The following RBM47 variants were observed in gnomAD, a reference collection of about 807,000 sequenced individuals.
The protein encoded by RBM47 is RNA binding motif protein 47.
Under a neutral mutation model 47.1 loss-of-function variants are expected in RBM47, and 21 were observed. The observed-to-expected ratio is 0.45, with a 90% CI of 0.32 to 0.64. RBM47 has a LOEUF of 0.64. Among genes scored for constraint, RBM47 ranks in the 30% least tolerant of loss-of-function variants. RBM47 has a pLI of 0.05. For missense variants in RBM47, 708 were observed against 870.9 expected (o/e 0.81, Z 2.35); for synonymous variants, 375 against 361.7 (o/e 1.04, Z -0.42).
chr4:40,423,661 TTTC>T lies in RBM47; in HGVS notation c.*2240_*2242del, dbSNP rs1400568468. ...TTTATTCTTTCTTTCTTTTTCTTTC[TTTC>T]TTTCTTTCTTTCTTTCTTTCTTTCT... On this transcript the variant is annotated 3_prime_UTR_variant, in exon 7 of 7. Transcript: ENST00000295971. The T allele has an allele frequency of 1.1e-3, 32 of 28,112 alleles. No homozygotes were observed. The highest frequency in any genetic ancestry group is 4.7e-3 in the African/African-American group (32 of 6,866). 1.7% of individuals were successfully genotyped at this position (28,112 alleles called of 1,614,324 possible). A position where few individuals can be genotyped will look rare whatever the true frequency, so the allele number is the denominator to read the frequency against.
chr4:40,488,133 C>A (rs1356029080), intron 2 of RBM47, among the ~76,000 whole-genome samples: 4 of 151,894 alleles, frequency 2.6e-5, no homozygotes, highest in Non-Finnish European at 5.9e-5. Context: ...ACCAGCCTGG[C>A]CAACATGGTG....
intron 1 of RBM47, among the ~76,000 whole-genome samples, chr4:40,616,137 G>A (rs1736695028): frequency 6.6e-6 from 1 of 152,124 alleles, no homozygotes; most frequent in South Asian, 2.1e-4. Context: ...CGGATCACGA[G>A]GTCAGGAGAT....
At chr4:40,567,215 G>T (rs983728334) in intron 1 of RBM47, among the ~76,000 whole-genome samples, 1 of 151,834 alleles carries the variant, frequency 6.6e-6, no homozygotes, top group Non-Finnish European at 1.5e-5. Context: ...TTGAACTCGG[G>T]CAGTGTCACT....
intron 1 of RBM47, among the ~76,000 whole-genome samples, chr4:40,548,352 C>T (rs1452246458): frequency 6.6e-6 from 1 of 152,166 alleles, no homozygotes; most frequent in Non-Finnish European, 1.5e-5. Context: ...GGGAGAGCAA[C>T]AGGACGTGCC....
At chr4:40,433,865 T>C (rs562250644) in intron 5 of RBM47, among the ~76,000 whole-genome samples, 97 of 152,298 alleles carry the variant, frequency 6.4e-4, no homozygotes, top group Non-Finnish European at 1.2e-3. Context: ...ATTCAAAGAA[T>C]TTCTGCAAGT....
rs1042555063 is a variant in RBM47 at position 40,437,930 on chromosome 4, C to T, written c.964G>A (p.Glu322Lys). 1 of 1,613,682 alleles carries T rather than the reference C, an allele frequency of 6.2e-7. No homozygotes were observed. The highest frequency in any genetic ancestry group is 1.3e-5 in the African/African-American group (1 of 74,940). ...GCCTTCTGGTAGCGCGAGTACTGCT[C>T]CTTGTCCACGGGCTTGGCCAGCGTG... ...EVTLAKPVDK[E>K]QYSRYQKAAR... The change falls in exon 4 of 7, where the codon GAG becomes AAG. Residue 322 changes from glutamate to lysine, a missense_variant. By Grantham distance (56) the Glu-to-Lys change is moderately conservative. Transcript: ENST00000295971.
chr4:40,564,833 T>C (rs1730949200), intron 1 of RBM47, among the ~76,000 whole-genome samples: 1 of 152,232 alleles, frequency 6.6e-6, no homozygotes, highest in Non-Finnish European at 1.5e-5. Flanking sequence ...CTCAAGTTAA[T>C]AGAAACCATT....
At chr4:40,505,647 G>A (rs1723996178) in intron 2 of RBM47, among the ~76,000 whole-genome samples, 1 of 151,870 alleles carries the variant, frequency 6.6e-6, no homozygotes, top group South Asian at 2.1e-4. Context: ...CAGCACTTTG[G>A]GAGGCCGAGG....
chr4:40,615,626 C>T (rs1359290858), intron 1 of RBM47, among the ~76,000 whole-genome samples: 1 of 151,956 alleles, frequency 6.6e-6, no homozygotes, highest in Non-Finnish European at 1.5e-5. Flanking sequence ...ACTAAAAATA[C>T]AAAAATTAGC....
rs189517916 is a variant in RBM47 at position 40,493,213 on chromosome 4, A to G, written c.-154-26514T>C. Among the ~76,000 whole-genome samples, 32 of 152,310 alleles carry G rather than the reference A, an allele frequency of 2.1e-4. No homozygotes were observed. The East Asian group carries it at 5.6e-3, about 27-fold the overall frequency. The stretch of plus-strand genomic sequence containing the variant: ...GGGTGCCGAGGTTACAACCTGAATG[A>G]CACATGTAGACTGTCATTGAAAAAC... On this transcript the variant is annotated intron_variant, in intron 2 of 6. Coordinates refer to ENST00000295971, the MANE Select transcript of RBM47 (RefSeq NM_001098634.2).
chr4:40,435,419 C>T (rs148488130), intron 5 of RBM47, among the ~76,000 whole-genome samples: 2,085 of 152,014 alleles, frequency 0.014, 43 homozygotes, highest in African/African-American at 0.047. Context: ...CATGGTGGTG[C>T]GCGCCTGTAG....
chr4:40,536,394 A>G (rs1727984309), intron 2 of RBM47, among the ~76,000 whole-genome samples: 1 of 152,100 alleles, frequency 6.6e-6, no homozygotes, highest in African/African-American at 2.4e-5. Flanking sequence ...TCACCCATGA[A>G]ATTTGCCTCA....
chr4:40,625,370 A>T (rs1737646038), intron 1 of RBM47, among the ~76,000 whole-genome samples: 2 of 152,170 alleles, frequency 1.3e-5, no homozygotes, highest in Non-Finnish European at 2.9e-5. Flanking sequence ...TACAAACATG[A>T]TTGAGCCAGG....
At chr4:40,546,612 T>C (rs1294354740) in intron 1 of RBM47, among the ~76,000 whole-genome samples, 1 of 152,204 alleles carries the variant, frequency 6.6e-6, no homozygotes, top group East Asian at 1.9e-4. Flanking sequence ...AGCTCAGTAA[T>C]CATTTGTTCC....
chr4:40,467,905 G>A (rs1450009997), intron 2 of RBM47, among the ~76,000 whole-genome samples: 1 of 152,128 alleles, frequency 6.6e-6, no homozygotes, highest in East Asian at 1.9e-4. Context: ...CACCAGACTG[G>A]GAACCAGAAG....
intron 5 of RBM47, among the ~76,000 whole-genome samples, 155 bp downstream of exon 5, chr4:40,436,285 CA>C (rs1712391592): frequency 6.6e-6 from 1 of 152,082 alleles, no homozygotes; most frequent in Non-Finnish European, 1.5e-5. Context: ...TAAGGAGGTC[CA>C]GGGGGTCACT....
intron 1 of RBM47, among the ~76,000 whole-genome samples, chr4:40,614,931 T>C (rs1180175018): frequency 5.3e-5 from 8 of 151,956 alleles, no homozygotes; most frequent in Non-Finnish European, 1.0e-4. Flanking sequence ...ATGAGGATAA[T>C]TGTAAAACCT....
chr4:40,520,970 T>C (rs937058124), intron 2 of RBM47, among the ~76,000 whole-genome samples: 1 of 152,166 alleles, frequency 6.6e-6, no homozygotes, highest in Non-Finnish European at 1.5e-5. Flanking sequence ...TTACACGGCA[T>C]TGACACGGAC....
intron 1 of RBM47, among the ~76,000 whole-genome samples, chr4:40,627,252 G>A (rs931766125): frequency 3.3e-5 from 5 of 151,156 alleles, no homozygotes; most frequent in African/African-American, 1.2e-4. Context: ...TCAAAGTTTG[G>A]CACACAAATT....
Sources: allele counts gnomAD v4.1 joint callset (sites outside exome capture counted in the v4.1 genomes callset), GRCh38; gene constraint gnomAD v4.1.1; transcripts MANE v1.5; gene names NCBI Gene and HGNC (gene_info 2026-07-23, HGNC 2026-07-21).